DYRK1A: variants seen among roughly 807,000 people sequenced by gnomAD.
DYRK1A encodes the protein dual specificity tyrosine phosphorylation regulated kinase 1A.
Under a neutral mutation model 79.7 loss-of-function variants are expected in DYRK1A, and 9 were observed. The ratio of observed to expected loss-of-function variants is 0.11; its 90% CI spans 0.07 to 0.20. The LOEUF (loss-of-function observed/expected upper bound fraction) is 0.20, where lower values mean the gene tolerates loss of function less well. Ranked by LOEUF, DYRK1A falls within the 10% of genes least tolerant of loss-of-function variation. The pLI is 1.00. For missense variants in DYRK1A, 622 were observed against 956.0 expected (o/e 0.65, Z 4.61); for synonymous variants, 349 against 329.7 (o/e 1.06, Z -0.63).
chr21:37,451,250 A>G (rs1472161152), intron 2 of DYRK1A, among the ~76,000 whole-genome samples: 1 of 152,194 alleles, frequency 6.6e-6, no homozygotes. Context: ...TTTAAAATAA[A>G]TTAGTGTAGC....
chr21:37,395,929 T>A lies in DYRK1A; in HGVS notation c.-76-24370T>A, dbSNP rs77439895. Among the ~76,000 whole-genome samples the A allele has an allele frequency of 4.6e-5, 7 of 152,356 alleles. No homozygotes were observed. The East Asian group carries it at 1.3e-3, about 29-fold the overall frequency. On this transcript the variant is annotated intron_variant, in intron 1 of 11. Coordinates refer to ENST00000647188, the MANE Select transcript of DYRK1A (RefSeq NM_001347721.2). ...TGTATACTGAAAACTCTTCATGTTT[T>A]CCACCTTGTTAACATATGACAAGCC...
At chr21:37,445,279 G>C (rs138126452) in intron 2 of DYRK1A, among the ~76,000 whole-genome samples, 51 of 152,344 alleles carry the variant, frequency 3.3e-4, no homozygotes, top group African/African-American at 1.2e-3. Flanking sequence ...CAACAAAACA[G>C]AATGCACACC....
intron 2 of DYRK1A, among the ~76,000 whole-genome samples, chr21:37,443,470 G>A (rs535794825): frequency 5.3e-5 from 8 of 152,290 alleles, no homozygotes; most frequent in African/African-American, 9.6e-5. Flanking sequence ...TTTTCACTTT[G>A]TCGGGTGCCG....
chr21:37,499,914 T>C (rs1171662734), intron 9 of DYRK1A, among the ~76,000 whole-genome samples: 2 of 152,144 alleles, frequency 1.3e-5, no homozygotes, highest in African/African-American at 4.8e-5. Context: ...TGCAGTCAAA[T>C]GTGGATCAAA....
intron 2 of DYRK1A, among the ~76,000 whole-genome samples, chr21:37,444,430 G>A (rs1034805390): frequency 2.6e-5 from 4 of 152,180 alleles, no homozygotes; most frequent in South Asian, 2.1e-4. Context: ...AGTCAGGCAC[G>A]CATTAATTTA....
chr21:37,428,095 G>A (rs2050677603), intron 2 of DYRK1A, among the ~76,000 whole-genome samples: 1 of 152,128 alleles, frequency 6.6e-6, no homozygotes, highest in Admixed American at 6.5e-5. Flanking sequence ...GCCTGCCCCA[G>A]GTCACACAGC....
Position 37,374,313 on chromosome 21 carries a change from T to G in DYRK1A, c.-77+6685T>G, listed in dbSNP as rs147071902. 6.9e-3 allele frequency among the ~76,000 whole-genome samples: 1,033 copies of G among 150,684 alleles called. 9 individuals are homozygous for G. Among genetic ancestry groups the G allele is most frequent in the African/African-American group, 0.024 (973 of 40,842 alleles). ...TCACCGAACACTGCAAGAAGGATGA[T>G]AGCAGAGATATTTAAACGTACATTT... On this transcript the variant is annotated intron_variant, in intron 1 of 11. Transcript: ENST00000647188.
intron 5 of DYRK1A, among the ~76,000 whole-genome samples, chr21:37,482,324 A>G (rs986400011): frequency 1.3e-5 from 2 of 152,200 alleles, no homozygotes; most frequent in African/African-American, 2.4e-5. Context: ...GGTTTGAGAA[A>G]TAAAGGGACA....
chr21:37,443,803 G>GTGTC (rs1302135241), intron 2 of DYRK1A, among the ~76,000 whole-genome samples: 1 of 152,128 alleles, frequency 6.6e-6, no homozygotes, highest in African/African-American at 2.4e-5. Context: ...TCCTGTGTGT[G>GTGTC]TGTCTGTCTC....
At chr21:37,481,033 T>C (rs2052620822) in intron 5 of DYRK1A, 1 of 466,038 alleles carries the variant, frequency 2.1e-6, no homozygotes, top group East Asian at 3.6e-5. Flanking sequence ...TAAAAACTTT[T>C]ATGGCTACCA....
rs1438122577 is a variant in DYRK1A at position 37,516,667 on chromosome 21, T to TTG, written c.*4137_*4138dup. 6.6e-6 allele frequency: 1 copy of TTG among 152,190 alleles called. No homozygotes were observed. The highest frequency in any genetic ancestry group is 2.4e-5 in the African/African-American group (1 of 41,446). The allele number at this position is 152,190 out of a possible 1,614,324, so 9.4% of individuals were successfully genotyped here. On this transcript the variant is annotated 3_prime_UTR_variant, in exon 12 of 12. Transcript: ENST00000647188. ...GCTTGTTTTGTGGAAGACATGTTCA[T>TTG]TGAGGTAAGTGGCTCATCGCTTGGT...
At chr21:37,461,301 CT>C (rs2051830175) in intron 2 of DYRK1A, among the ~76,000 whole-genome samples, 1 of 152,190 alleles carries the variant, frequency 6.6e-6, no homozygotes, top group Non-Finnish European at 1.5e-5. Flanking sequence ...ACCACAACTA[CT>C]TTTACACCAA....
chr21:37,477,641 C>T (rs2052448545), intron 3 of DYRK1A, among the ~76,000 whole-genome samples: 1 of 152,140 alleles, frequency 6.6e-6, no homozygotes, highest in Admixed American at 6.5e-5. Flanking sequence ...AGATATTTGT[C>T]AGAGGGCAGC....
rs1382769090 is a variant in DYRK1A at position 37,512,189 on chromosome 21, C to A, written c.1923C>A (p.His641Gln). 3 of 1,614,114 alleles carry A rather than the reference C, an allele frequency of 1.9e-6. No homozygotes were observed. Among genetic ancestry groups the A allele is most frequent in the Non-Finnish European group, 2.5e-6 (3 of 1,180,040 alleles). The change falls in exon 12 of 12, where the codon CAC becomes CAA. Residue 641 changes from histidine to glutamine, a missense_variant. Physicochemically the swap from His to Gln is conservative, Grantham distance 24. This residue lies in a region of DYRK1A where 292 missense variants were observed against 316.7 expected (regional missense o/e 0.92). Coordinates refer to ENST00000647188, the MANE Select transcript of DYRK1A (RefSeq NM_001347721.2). Reference sequence around the variant, plus strand: ...CCCAAGATTCTATGGAGGTTGGCCACAGTCACCACTCCATGACATCCCTGT... The same window carrying A: ...CCCAAGATTCTATGGAGGTTGGCCAAAGTCACCACTCCATGACATCCCTGT... ...SSTQDSMEVG[H>Q]SHHSMTSLSS... is the part of the protein sequence containing the mutation.
At chr21:37,467,975 T>A (rs1191695401) in intron 2 of DYRK1A, among the ~76,000 whole-genome samples, 2 of 152,150 alleles carry the variant, frequency 1.3e-5, no homozygotes, top group Non-Finnish European at 2.9e-5. Context: ...GGTAAATCCA[T>A]CATTGCGGAA....
At chr21:37,472,951 G>A in intron 3 of DYRK1A, 71 bp downstream of exon 3, 2 of 1,224,028 alleles carry the variant, frequency 1.6e-6, no homozygotes, top group South Asian at 2.5e-5. Context: ...GGAATACTAA[G>A]TAGGCAAAAT....
intron 9 of DYRK1A, chr21:37,503,548 A>G (rs1264550918): frequency 6.6e-6 from 1 of 152,160 alleles, no homozygotes; most frequent in Non-Finnish European, 1.5e-5. Context: ...CAGCCTCCCA[A>G]GAAGCTCGGA....
chr21:37,415,236 A>T (rs2050314902), intron 1 of DYRK1A, among the ~76,000 whole-genome samples: 1 of 152,058 alleles, frequency 6.6e-6, no homozygotes, highest in Non-Finnish European at 1.5e-5. Flanking sequence ...TAGTTCTTAA[A>T]CCTTCTCCCT....
chr21:37,469,738 A>G (rs1221482529), intron 2 of DYRK1A, among the ~76,000 whole-genome samples: 3 of 152,028 alleles, frequency 2.0e-5, no homozygotes, highest in Non-Finnish European at 4.4e-5. Flanking sequence ...ACTAGGGGGG[A>G]TGGTGCTAAA....
Sources: gnomAD v4.1 joint callset for allele counts (sites outside exome capture counted in the v4.1 genomes callset) on GRCh38, gnomAD v4.1.1 for gene constraint, gnomAD v4.1.1 regional missense constraint, MANE v1.5 for transcripts, NCBI Gene and HGNC (gene_info 2026-07-23, HGNC 2026-07-21) for gene names.